COL15A1: variants seen among roughly 807,000 people sequenced by gnomAD.
COL15A1 encodes the protein collagen alpha-1(XV) chain.
In COL15A1, 111 loss-of-function variants were observed where a neutral mutation model predicts 165.9. The observed-to-expected ratio is 0.67, with a 90% confidence interval of 0.57 to 0.78. The LOEUF is 0.78. Ranked by LOEUF, COL15A1 falls within the 30% of genes least tolerant of loss-of-function variation. COL15A1 has a pLI of 0.00. For synonymous variants in COL15A1, 659 were observed against 674.8 expected, an observed-to-expected ratio of 0.98 and a Z score of 0.36; for missense variants, 1,745 against 1,789.7, an observed-to-expected ratio of 0.98 and a Z score of 0.45.
intron 2 of COL15A1, 25 bp from the exon 3 acceptor site, chr9:98,985,540 G>T: frequency 6.3e-7 from 1 of 1,594,408 alleles, no homozygotes; most frequent in African/African-American, 1.3e-5. Flanking sequence ...CCTGTAAAGC[G>T]TGGCCTCTCT....
intron 2 of COL15A1, among the ~76,000 whole-genome samples, chr9:98,948,596 CAAAA>C (rs67986686): frequency 2.0e-5 from 2 of 100,534 alleles, no homozygotes; most frequent in African/African-American, 3.8e-5. Flanking sequence ...GACTCTGTCT[CAAAA>C]AAAAAAAAAA....
chr9:98,985,840 G>A lies in COL15A1; in HGVS notation c.376G>A (p.Gly126Ser), dbSNP rs71501885. The change falls in exon 3 of 42, where the codon GGT (glycine) becomes AGT (serine). Residue 126 changes from glycine to serine, a missense_variant. Transcript: ENST00000375001. ...CATCTACCTGGGCCTGCGGCTCTCA[G>A]GTGTGGAGGACGGCCACCAGCGGAT... ...KVIYLGLRLS[G>S]VEDGHQRIIL... is the part of the protein sequence containing the mutation. The A allele has an allele frequency of 6.2e-7, 1 of 1,613,932 alleles. No individual in the cohort carries two copies. The highest frequency in any genetic ancestry group is 1.1e-5 in the South Asian group (1 of 91,082).
intron 2 of COL15A1, among the ~76,000 whole-genome samples, chr9:98,978,792 A>G (rs887553063): frequency 6.6e-6 from 1 of 152,188 alleles, no homozygotes; most frequent in African/African-American, 2.4e-5. Context: ...GCTGTAAAAT[A>G]GAAAAAAGTA....
chr9:99,019,787 C>T (rs1238697067), intron 11 of COL15A1, among the ~76,000 whole-genome samples: 3 of 152,048 alleles, frequency 2.0e-5, no homozygotes, highest in Non-Finnish European at 4.4e-5. Flanking sequence ...AAACATGACC[C>T]AGCACATAGT....
At chr9:98,970,897 T>G (rs1397831127) in intron 2 of COL15A1, among the ~76,000 whole-genome samples, 3 of 152,152 alleles carry the variant, frequency 2.0e-5, no homozygotes, top group African/African-American at 7.2e-5. Context: ...TGTGTTAGTT[T>G]GTGTGGCGTG....
chr9:99,047,701 G>A (rs1839515847), intron 26 of COL15A1, 85 bp from the exon 27 acceptor site: 2 of 1,399,384 alleles, frequency 1.4e-6, no homozygotes, highest in African/African-American at 1.4e-5. Context: ...CGTCACCACT[G>A]CCTGCAAAAG....
chr9:98,970,506 A>C (rs1021355969), intron 2 of COL15A1, among the ~76,000 whole-genome samples: 1 of 152,228 alleles, frequency 6.6e-6, no homozygotes, highest in Non-Finnish European at 1.5e-5. Flanking sequence ...TGTGGGCTTC[A>C]GACTTTCTGT....
chr9:98,944,100 G>T (rs776757383), intron 1 of COL15A1, 28 bp downstream of exon 1: 1 of 1,614,086 alleles, frequency 6.2e-7, no homozygotes, highest in East Asian at 2.2e-5. Context: ...GCTTCCTCGC[G>T]TCCCGGGCCC....
chr9:98,947,807 A>G (rs1049848509), intron 2 of COL15A1, among the ~76,000 whole-genome samples: 7 of 152,134 alleles, frequency 4.6e-5, no homozygotes, highest in African/African-American at 1.7e-4. Flanking sequence ...ACACATGCAT[A>G]TGGGTTTTTT....
chr9:99,049,896 G>A lies in COL15A1; in HGVS notation c.2904+1G>A, dbSNP rs375417083. The A allele has an allele frequency of 2.5e-6, 4 of 1,614,138 alleles. No individual in the cohort carries two copies. Among genetic ancestry groups the A allele is most frequent in the Non-Finnish European group, 1.7e-6 (2 of 1,180,050 alleles). On this transcript the variant is annotated splice_donor_variant, in intron 30 of 41. Coordinates refer to ENST00000375001, the MANE Select transcript of COL15A1 (RefSeq NM_001855.5). LOFTEE classifies it high-confidence loss of function. ...CGTCCGACCACACTGCAAAATGCCA[G>A]TAAGTAGCAATCACTGCCTTAAAGA... is the stretch of plus-strand genomic sequence containing the variant.
At chr9:98,977,848 CT>C (rs1838166166) in intron 2 of COL15A1, among the ~76,000 whole-genome samples, 1 of 152,250 alleles carries the variant, frequency 6.6e-6, no homozygotes, top group South Asian at 2.1e-4. Context: ...GGGACCTCCC[CT>C]GATCACCAGG....
At chr9:99,039,150 C>T (rs1314906120) in intron 22 of COL15A1, among the ~76,000 whole-genome samples, 2 of 152,170 alleles carry the variant, frequency 1.3e-5, no homozygotes, top group Non-Finnish European at 2.9e-5. Flanking sequence ...CATTTTAGAA[C>T]TCTGGAAATT....
chr9:98,951,033 C>T (rs928203425), intron 2 of COL15A1, among the ~76,000 whole-genome samples: 1 of 152,198 alleles, frequency 6.6e-6, no homozygotes, highest in Admixed American at 6.5e-5. Context: ...TTCCCTCTAA[C>T]CACCCCACTC....
intron 16 of COL15A1, among the ~76,000 whole-genome samples, chr9:99,033,772 T>C (rs116708387): frequency 6.6e-6 from 1 of 152,180 alleles, no homozygotes. Flanking sequence ...ACCTCCTGTG[T>C]GGCATGCAAT....
intron 24 of COL15A1, 132 bp from the exon 25 acceptor site, chr9:99,044,436 G>T: frequency 2.5e-6 from 2 of 789,642 alleles, no homozygotes; most frequent in South Asian, 3.1e-5. Context: ...ATGAAGGCAA[G>T]AGAAATAAAT....
At position 98,957,663 on chromosome 9, in the gene COL15A1, T is replaced by TTCTC. The variant is rs148586804; in HGVS notation, c.100+13429_100+13432dup. On this transcript the variant is annotated intron_variant, in intron 2 of 41. Transcript: ENST00000375001. The stretch of plus-strand genomic sequence containing the variant: ...TCTGAAAAAACCAGACTAGGGTTAT[T>TTCTC]TCTCTCTCTCTCTCTCTCTTTGTGT... 1.5e-3 allele frequency among the ~76,000 whole-genome samples: 232 copies of TTCTC among 150,050 alleles called. 1 individual carries two copies. The highest frequency in any genetic ancestry group is 5.5e-3 in the African/African-American group (224 of 41,002).
At chr9:98,994,742 CTT>C (rs1838514762) in intron 5 of COL15A1, among the ~76,000 whole-genome samples, 1 of 152,158 alleles carries the variant, frequency 6.6e-6, no homozygotes, top group Non-Finnish European at 1.5e-5. Context: ...AATTGCAACA[CTT>C]TTAATAGCAA....
At chr9:98,949,188 T>G (rs2118747432) in intron 2 of COL15A1, among the ~76,000 whole-genome samples, 1 of 152,370 alleles carries the variant, frequency 6.6e-6, no homozygotes, top group Admixed American at 6.5e-5. Flanking sequence ...AATAATAAGT[T>G]TTTGAGATTT....
Position 99,003,169 on chromosome 9 carries a change from G to A in COL15A1, c.1066-284G>A, listed in dbSNP as rs1330397445. The stretch of plus-strand genomic sequence containing the variant: ...ATGGGGAGGTCACAGGGAGGCAATG[G>A]GTTTCAGTAGAAGTATCTAGAGCTA... On this transcript the variant is annotated intron_variant, in intron 7 of 41. Coordinates refer to ENST00000375001, the MANE Select transcript of COL15A1 (RefSeq NM_001855.5). 3.3e-5 allele frequency among the ~76,000 whole-genome samples: 5 copies of A among 152,234 alleles called. No homozygotes were observed. In the East Asian group the frequency reaches 9.6e-4, roughly 29 times the overall value.
Sources: gnomAD v4.1 joint callset for allele counts (sites outside exome capture counted in the v4.1 genomes callset) on GRCh38, gnomAD v4.1.1 for gene constraint, MANE v1.5 for transcripts, NCBI Gene and HGNC (gene_info 2026-07-23, HGNC 2026-07-21) for gene names.